Variants in BCL2L13 observed in about 807,000 individuals in gnomAD.
BCL2L13 encodes BCL2 like 13, also known as bcl-2-like protein 13.
A neutral mutation model predicts 25.8 loss-of-function variants in BCL2L13; 13 were observed. That is an observed-to-expected ratio of 0.50 (90% CI 0.33 to 0.80). BCL2L13 has a LOEUF of 0.80. Ranked by LOEUF, BCL2L13 falls within the 30% of genes least tolerant of loss-of-function variation. The probability of loss-of-function intolerance (pLI) is 0.02; values close to 1 mark genes in which losing one functional copy is unlikely to be tolerated. For synonymous variants in BCL2L13, 244 were observed against 230.3 expected (o/e 1.06, Z -0.54); for missense variants, 504 against 574.9 (o/e 0.88, Z 1.26).
At chr22:17,687,209 C>G (rs2587074) in intron 3 of BCL2L13, among the ~76,000 whole-genome samples, 21,232 of 152,164 alleles carry the variant, frequency 0.14, 2,037 homozygotes, top group Non-Finnish European at 0.21. Context: ...GTAGCTGATG[C>G]CTTGCATCGC....
intron 2 of BCL2L13, among the ~76,000 whole-genome samples, chr22:17,679,056 T>C (rs2059656308): frequency 6.6e-6 from 1 of 152,166 alleles, no homozygotes; most frequent in South Asian, 2.1e-4. Context: ...GGTTAGTTGC[T>C]AAGTATACAA....
chr22:17,713,750 G>A (rs1471205960), intron 6 of BCL2L13, among the ~76,000 whole-genome samples: 1 of 151,588 alleles, frequency 6.6e-6, no homozygotes, highest in African/African-American at 2.4e-5. Context: ...ATGAGCCACT[G>A]CGCCCAGCCA....
chr22:17,637,864 CAT>C (rs1354556771), upstream of BCL2L13, among the ~76,000 whole-genome samples: 9 of 152,164 alleles, frequency 5.9e-5, no homozygotes, highest in Admixed American at 1.3e-4. Flanking sequence ...GATCTCATAA[CAT>C]AGAATTCACC....
chr22:17,678,321 C>T (rs937690340), intron 2 of BCL2L13, among the ~76,000 whole-genome samples: 1 of 152,146 alleles, frequency 6.6e-6, no homozygotes, highest in African/African-American at 2.4e-5. Context: ...CCACACCCAA[C>T]TGAAGTGAAG....
Position 17,668,455 on chromosome 22 carries a change from T to G in BCL2L13, c.121+12623T>G, listed in dbSNP as rs529073987. Among the ~76,000 whole-genome samples the G allele has an allele frequency of 2.0e-5, 3 of 151,502 alleles. No individual in the cohort carries two copies. The South Asian group carries it at 6.3e-4, about 32-fold the overall frequency. ...TAAATTTAGGTCTTTGATCTGTGTT[T>G]TTTTTTTTTTCTCCTGAGATGGAGT... On this transcript the variant is annotated intron_variant, in intron 2 of 6. Transcript: ENST00000317582.
chr22:17,686,015 G>A (rs2059927310), intron 3 of BCL2L13, among the ~76,000 whole-genome samples: 1 of 150,812 alleles, frequency 6.6e-6, no homozygotes, highest in Admixed American at 6.6e-5. Context: ...CTCATGACCC[G>A]CCCACCTCAG....
intron 1 of BCL2L13, among the ~76,000 whole-genome samples, chr22:17,654,250 G>A (rs932554960): frequency 4.0e-5 from 6 of 151,444 alleles, no homozygotes; most frequent in Non-Finnish European, 8.8e-5. Flanking sequence ...CATTATAGGT[G>A]TGCACCAGAT....
intron 2 of BCL2L13, among the ~76,000 whole-genome samples, chr22:17,681,416 G>A (rs1021876954): frequency 6.6e-6 from 1 of 151,762 alleles, no homozygotes; most frequent in African/African-American, 2.4e-5. Flanking sequence ...GGAGAATGGC[G>A]TGAACCTGGG....
chr22:17,722,232 G>C (rs765808372), intron 6 of BCL2L13, among the ~76,000 whole-genome samples: 5 of 151,358 alleles, frequency 3.3e-5, no homozygotes, highest in Non-Finnish European at 5.9e-5. Context: ...AATTGCCTCT[G>C]TTTTTTTTGG....
intron 2 of BCL2L13, among the ~76,000 whole-genome samples, chr22:17,668,915 G>A (rs936076840): frequency 8.5e-5 from 13 of 152,084 alleles, no homozygotes; most frequent in East Asian, 5.8e-4. Context: ...GCTTTTAGAG[G>A]TAATTGCATC....
chr22:17,652,657 T>C (rs1219092328), intron 1 of BCL2L13, among the ~76,000 whole-genome samples: 4 of 152,200 alleles, frequency 2.6e-5, no homozygotes, highest in African/African-American at 9.6e-5. Context: ...CAGGCTGATC[T>C]TGAACTCCTG....
Position 17,683,264 on chromosome 22 carries a change from A to G in BCL2L13, c.172A>G (p.Lys58Glu). The G allele has an allele frequency of 6.3e-7, 1 of 1,596,284 alleles. No individual in the cohort carries two copies. The highest frequency in any genetic ancestry group is 8.6e-7 in the Non-Finnish European group (1 of 1,169,030). Residue 58 changes from lysine to glutamate, a missense_variant, in exon 3 of 7, where the codon AAA (lysine) becomes GAA (glutamate). Coordinates refer to ENST00000317582, the MANE Select transcript of BCL2L13 (RefSeq NM_015367.4). ...ATCTCTGGATCAAGAAATTTTATTA[A>G]AAGTTAAAACTGAAATTGAAGAAGA... ...SQSLDQEILL[K>E]VKTEIEEELK...
At chr22:17,720,963 G>A (rs528483013) in intron 6 of BCL2L13, among the ~76,000 whole-genome samples, 3 of 151,912 alleles carry the variant, frequency 2.0e-5, no homozygotes, top group South Asian at 2.1e-4. Context: ...TCAGGAGATC[G>A]AGACCATCCT....
intron 1 of BCL2L13, among the ~76,000 whole-genome samples, chr22:17,647,175 C>A (rs751762896): frequency 3.3e-5 from 5 of 150,964 alleles, no homozygotes; most frequent in African/African-American, 1.2e-4. Flanking sequence ...GGGGTTTCAC[C>A]GTGTTAGCCA....
chr22:17,662,295 A>G (rs559860458), intron 2 of BCL2L13, among the ~76,000 whole-genome samples: 30 of 152,202 alleles, frequency 2.0e-4, no homozygotes, highest in Non-Finnish European at 2.9e-4. Flanking sequence ...TGGCTAACAC[A>G]GTGAAACCTC....
At chr22:17,662,211 G>A (rs537070439) in intron 2 of BCL2L13, among the ~76,000 whole-genome samples, 2 of 152,308 alleles carry the variant, frequency 1.3e-5, no homozygotes, top group South Asian at 2.1e-4. Context: ...GCGCGTGGTG[G>A]CTCACGCCTG....
At chr22:17,646,756 G>C (rs1174485909) in intron 1 of BCL2L13, among the ~76,000 whole-genome samples, 2 of 102,014 alleles carry the variant, frequency 2.0e-5, no homozygotes, top group Admixed American at 1.6e-4. Flanking sequence ...GTCTAGCTCT[G>C]TCGCCTAGGC....
intron 2 of BCL2L13, among the ~76,000 whole-genome samples, chr22:17,675,138 T>C (rs1405174574): frequency 6.6e-6 from 1 of 152,204 alleles, no homozygotes; most frequent in East Asian, 1.9e-4. Flanking sequence ...CAGGAATCTT[T>C]TACCCCTATA....
At chr22:17,701,911 A>G (rs948395053) in intron 5 of BCL2L13, among the ~76,000 whole-genome samples, 42 of 101,966 alleles carry the variant, frequency 4.1e-4, no homozygotes, top group African/African-American at 1.5e-3. Flanking sequence ...GCGAGACTCC[A>G]TCTCAAAAAA....
Sources: allele counts gnomAD v4.1 joint callset (sites outside exome capture counted in the v4.1 genomes callset), GRCh38; gene constraint gnomAD v4.1.1; transcripts MANE v1.5; gene names NCBI Gene and HGNC (gene_info 2026-07-23, HGNC 2026-07-21).